Variants in ZFYVE9 observed in about 807,000 individuals in gnomAD.
The protein encoded by ZFYVE9 is zinc finger FYVE domain-containing protein 9.
A neutral mutation model predicts 126.7 loss-of-function variants in ZFYVE9; 43 were observed. The observed-to-expected ratio is 0.34, with a 90% confidence interval of 0.27 to 0.44. The LOEUF (loss-of-function observed/expected upper bound fraction) is 0.44. Among genes scored for constraint, ZFYVE9 ranks in the 20% least tolerant of loss-of-function variants. ZFYVE9 has a pLI of 1.00. For missense variants in ZFYVE9, 1,476 were observed against 1,697.0 expected (o/e 0.87, Z 2.29); for synonymous variants, 521 against 597.4 (o/e 0.87, Z 1.87).
At chr1:52,221,823 C>A (rs1645126824) in intron 2 of ZFYVE9, among the ~76,000 whole-genome samples, 1 of 152,134 alleles carries the variant, frequency 6.6e-6, no homozygotes, top group Non-Finnish European at 1.5e-5. Context: ...TTTCTTCTAC[C>A]TGTTGGATCT....
intron 4 of ZFYVE9, among the ~76,000 whole-genome samples, chr1:52,240,870 C>CATGAT (rs1475850012): frequency 1.3e-5 from 2 of 152,084 alleles, no homozygotes; most frequent in African/African-American, 4.8e-5. Flanking sequence ...CTGGGATTAT[C>CATGAT]TAATCAATCA....
chr1:52,268,689 G>T, intron 7 of ZFYVE9, 57 bp downstream of exon 7: 2 of 1,558,422 alleles, frequency 1.3e-6, no homozygotes, highest in East Asian at 2.3e-5. Context: ...GCATTGTGCT[G>T]CCTCTGTTGA....
intron 13 of ZFYVE9, among the ~76,000 whole-genome samples, chr1:52,316,256 C>T (rs1310638227): frequency 1.3e-5 from 2 of 149,006 alleles, no homozygotes; most frequent in Non-Finnish European, 3.0e-5. Flanking sequence ...AAGGCCAAGG[C>T]GGGTGCATCA....
Position 52,208,524 on chromosome 1 carries a change from G to A in ZFYVE9, c.-142-7845G>A, listed in dbSNP as rs346564. Among the ~76,000 whole-genome samples the A allele has an allele frequency of 9.1e-3, 1,344 of 148,008 alleles. 19 individuals carry two copies. Among genetic ancestry groups the A allele is most frequent in the African/African-American group, 0.032 (1,283 of 40,158 alleles). On this transcript the variant is annotated intron_variant, in intron 1 of 18. Transcript: ENST00000287727. ...CTTCTTTTTTTTTTTTTTTTGAGAC[G>A]GAGTTTTGCTCTTGTTGCCCAGGCT...
intron 5 of ZFYVE9, among the ~76,000 whole-genome samples, chr1:52,266,405 T>TAAAAAAAAAAAAAAAA (rs33996604): frequency 7.0e-5 from 6 of 85,626 alleles, no homozygotes; most frequent in African/African-American, 2.9e-4. Context: ...TCTAATTCTT[T>TAAAAAAAAAAAAAAAA]AAAAAAAAAA....
intron 13 of ZFYVE9, among the ~76,000 whole-genome samples, chr1:52,323,415 C>G (rs77894127): frequency 1.3e-5 from 2 of 152,038 alleles, no homozygotes; most frequent in Non-Finnish European, 2.9e-5. Flanking sequence ...TTGTTTTTGT[C>G]TCCTCCTCCT....
chr1:52,254,138 A>G, intron 4 of ZFYVE9: 1 of 728,338 alleles, frequency 1.4e-6, no homozygotes, highest in Non-Finnish European at 2.3e-6. Flanking sequence ...TAAATTTCCT[A>G]GATGTACAAC....
intron 2 of ZFYVE9, among the ~76,000 whole-genome samples, chr1:52,217,101 T>C (rs1645078600): frequency 6.6e-6 from 1 of 152,170 alleles, no homozygotes; most frequent in African/African-American, 2.4e-5. Context: ...CTTTTACTTC[T>C]GCAGAAGGGT....
At chr1:52,256,557 T>TA (rs939902458) in intron 4 of ZFYVE9, among the ~76,000 whole-genome samples, 1 of 152,180 alleles carries the variant, frequency 6.6e-6, no homozygotes, top group Non-Finnish European at 1.5e-5. Context: ...TGTATATTTT[T>TA]AGTAGAGATG....
intron 1 of ZFYVE9, among the ~76,000 whole-genome samples, chr1:52,153,224 A>ACT (rs1644373218): frequency 6.6e-6 from 1 of 152,206 alleles, no homozygotes; most frequent in African/African-American, 2.4e-5. Context: ...TGATTGCTAC[A>ACT]GTCCATTCCT....
intron 4 of ZFYVE9, among the ~76,000 whole-genome samples, chr1:52,245,094 G>A (rs1645371047): frequency 6.6e-6 from 1 of 151,742 alleles, no homozygotes; most frequent in Non-Finnish European, 1.5e-5. Flanking sequence ...GGAGGCAGAG[G>A]TTGCAGTGAG....
chr1:52,227,579 C>G (rs963660302), intron 2 of ZFYVE9, among the ~76,000 whole-genome samples: 1 of 152,176 alleles, frequency 6.6e-6, no homozygotes, highest in Non-Finnish European at 1.5e-5. Context: ...TGTACCCTCT[C>G]CCCTGACTAT....
chr1:52,263,752 T>TGC, intron 4 of ZFYVE9, 21 bp from the exon 5 acceptor site: 1 of 975,012 alleles, frequency 1.0e-6, no homozygotes, highest in Non-Finnish European at 1.5e-6. Flanking sequence ...TTGTGTGTTC[T>TGC]TCCCCCCCCC....
At chr1:52,224,869 C>G (rs960055404) in intron 2 of ZFYVE9, among the ~76,000 whole-genome samples, 2 of 152,102 alleles carry the variant, frequency 1.3e-5, no homozygotes, top group African/African-American at 4.8e-5. Flanking sequence ...AGAGGCTGAA[C>G]CTCCCCTTTT....
chr1:52,255,525 C>T (rs762179906), intron 4 of ZFYVE9, among the ~76,000 whole-genome samples: 4 of 146,782 alleles, frequency 2.7e-5, no homozygotes, highest in African/African-American at 1.0e-4. Flanking sequence ...GCGGCGGTTG[C>T]GGTGAGCCGA....
chr1:52,299,100 G>T (rs917811014), intron 12 of ZFYVE9, among the ~76,000 whole-genome samples: 3 of 152,074 alleles, frequency 2.0e-5, no homozygotes, highest in Admixed American at 2.0e-4. Flanking sequence ...GAGCCACCTT[G>T]CCCGGCCCTT....
intron 1 of ZFYVE9, among the ~76,000 whole-genome samples, chr1:52,210,813 G>T (rs1645021826): frequency 1.3e-5 from 2 of 152,090 alleles, no homozygotes; most frequent in South Asian, 4.1e-4. Context: ...TGCCACCACA[G>T]CTGGCTAATT....
At chr1:52,251,096 G>C (rs1163846981) in intron 4 of ZFYVE9, among the ~76,000 whole-genome samples, 1 of 151,566 alleles carries the variant, frequency 6.6e-6, no homozygotes. Context: ...TTTTGAGATG[G>C]AGTCTCGCTC....
intron 1 of ZFYVE9, among the ~76,000 whole-genome samples, chr1:52,152,995 T>C (rs1286943499): frequency 6.6e-6 from 1 of 152,210 alleles, no homozygotes. Context: ...AACAGGGAAC[T>C]TCAGAGCACA....
Sources: gnomAD v4.1 joint callset for allele counts (sites outside exome capture counted in the v4.1 genomes callset) on GRCh38, gnomAD v4.1.1 for gene constraint, MANE v1.5 for transcripts, NCBI Gene and HGNC (gene_info 2026-07-23, HGNC 2026-07-21) for gene names.